Variants in P3H2 observed in about 807,000 individuals in gnomAD.
P3H2 encodes the protein leprecan-like 1.
A neutral mutation model predicts 87.0 loss-of-function variants in P3H2; 80 were observed. The ratio of observed to expected loss-of-function variants is 0.92; its 90% CI spans 0.77 to 1.11. The LOEUF is 1.11. P3H2 is among the 50% of genes least tolerant of loss of function. The pLI is 0.00. For synonymous variants in P3H2, 367 were observed against 359.3 expected (o/e 1.02, Z -0.24); for missense variants, 1,001 against 923.9 (o/e 1.08, Z -1.08).
intron 1 of P3H2, among the ~76,000 whole-genome samples, chr3:190,054,350 C>T (rs1363241033): frequency 1.3e-5 from 2 of 152,200 alleles, no homozygotes. Context: ...AAGCCATCAG[C>T]CACGACACAG....
intron 1 of P3H2, among the ~76,000 whole-genome samples, chr3:190,015,669 G>T (rs1724729046): frequency 6.7e-6 from 1 of 150,082 alleles, no homozygotes; most frequent in African/African-American, 2.4e-5. Flanking sequence ...ATATTGGTAG[G>T]ATATGATTTA....
In P3H2 at chr3:189,967,195, G is replaced by A. The variant is rs142318504; in HGVS notation, c.1894-3097C>T. ...ATGCCACTGTATGCATTAATATGAA[G>A]TATTTGAGGAAATAAATGTTCTCAA... On this transcript the variant is annotated intron_variant, in intron 13 of 14. Coordinates refer to ENST00000319332, the MANE Select transcript of P3H2 (RefSeq NM_018192.4). Among the ~76,000 whole-genome samples the A allele has an allele frequency of 6.3e-3, 958 of 152,038 alleles. 13 individuals carry two copies. Among genetic ancestry groups the A allele is most frequent in the African/African-American group, 0.02 (839 of 41,460 alleles).
chr3:189,994,661 TTTG>T (rs1723990910), intron 2 of P3H2, among the ~76,000 whole-genome samples: 1 of 66,476 alleles, frequency 1.5e-5, no homozygotes, highest in East Asian at 1.3e-3. Flanking sequence ...GCCTGTGTTT[TTTG>T]TTTTTTTTTT....
chr3:190,079,789 C>A (rs981583768), intron 1 of P3H2, among the ~76,000 whole-genome samples: 2 of 152,176 alleles, frequency 1.3e-5, no homozygotes, highest in Non-Finnish European at 2.9e-5. Flanking sequence ...TACCTCAAAG[C>A]AGATAGAACT....
intron 1 of P3H2, among the ~76,000 whole-genome samples, chr3:190,082,420 G>A (rs1341326054): frequency 1.3e-5 from 2 of 152,058 alleles, no homozygotes; most frequent in Non-Finnish European, 2.9e-5. Flanking sequence ...CCCACCCAAA[G>A]ATTCTTGTTT....
chr3:189,981,037 G>GT (rs1211039960), intron 8 of P3H2, among the ~76,000 whole-genome samples: 1 of 152,200 alleles, frequency 6.6e-6, no homozygotes, highest in Non-Finnish European at 1.5e-5. Context: ...TGGGAGGGTG[G>GT]TTTGCCCATG....
chr3:190,007,374 T>C (rs1033567268), intron 1 of P3H2, among the ~76,000 whole-genome samples: 1 of 152,208 alleles, frequency 6.6e-6, no homozygotes, highest in Non-Finnish European at 1.5e-5. Flanking sequence ...AATAGTATTT[T>C]TTAGGTGGCT....
In P3H2 at chr3:190,013,593, T is replaced by C. The variant is rs367607283; in HGVS notation, c.481-18151A>G. ...GGTGAGACATGTAAGAAGAGAAAAA[T>C]AGACAAATAAAAATCTGTAAATTCC... On this transcript the variant is annotated intron_variant, in intron 1 of 14. Transcript: ENST00000319332. 1.9e-4 allele frequency among the ~76,000 whole-genome samples: 29 copies of C among 152,290 alleles called. No individual in the cohort carries two copies. The South Asian group carries it at 5.2e-3, about 27-fold the overall frequency.
chr3:189,986,077 T>C (rs1468961636), intron 6 of P3H2, among the ~76,000 whole-genome samples: 1 of 152,206 alleles, frequency 6.6e-6, no homozygotes, highest in Non-Finnish European at 1.5e-5. Context: ...TGTGATAGCA[T>C]TGTGACTGAT....
chr3:190,084,676 T>C (rs1727153631), intron 1 of P3H2, among the ~76,000 whole-genome samples: 1 of 152,196 alleles, frequency 6.6e-6, no homozygotes, highest in African/African-American at 2.4e-5. Flanking sequence ...AAACCAACTC[T>C]GCGAAATGCC....
intron 13 of P3H2, among the ~76,000 whole-genome samples, chr3:189,968,343 T>C (rs1378167392): frequency 6.6e-6 from 1 of 152,070 alleles, no homozygotes; most frequent in East Asian, 1.9e-4. Flanking sequence ...GAACATGTGG[T>C]GTTTGGTTTT....
intron 1 of P3H2, among the ~76,000 whole-genome samples, chr3:190,064,810 A>G (rs938220548): frequency 6.6e-6 from 1 of 152,186 alleles, no homozygotes; most frequent in Non-Finnish European, 1.5e-5. Context: ...TGGCAGCAGG[A>G]AGTAACAGGA....
At chr3:190,080,853 A>G (rs1727021231) in intron 1 of P3H2, among the ~76,000 whole-genome samples, 1 of 152,228 alleles carries the variant, frequency 6.6e-6, no homozygotes, top group Non-Finnish European at 1.5e-5. Context: ...TGACTTTCCC[A>G]TCTCTTGAAT....
intron 1 of P3H2, among the ~76,000 whole-genome samples, chr3:190,056,224 C>T (rs1233594082): frequency 6.6e-6 from 1 of 152,186 alleles, no homozygotes; most frequent in Non-Finnish European, 1.5e-5. Flanking sequence ...GGACTTTTAA[C>T]TTCTAGAACT....
At position 189,988,981 on chromosome 3, in the gene P3H2, C is replaced by T. The variant is rs377087463; in HGVS notation, c.881G>A (p.Arg294His). 1.3e-4 allele frequency: 205 copies of T among 1,613,844 alleles called. No individual in the cohort carries two copies. Among genetic ancestry groups the T allele is most frequent in the Non-Finnish European group, 1.7e-4 (200 of 1,179,974 alleles). ...CTCGATGGGAGAGAGGCGGCCAGGG[C>T]GGGTGGCAAGTTCCCTCACACATTC... Reference protein sequence around the residue: ...QHECVRELATRPGRLSPIENF... With the variant: ...QHECVRELATHPGRLSPIENF... The change falls in exon 4 of 15, where the codon CGC becomes CAC. Residue 294 changes from arginine (R) to histidine (H), a missense_variant. By Grantham distance (29) the Arg-to-His change is conservative. Coordinates refer to ENST00000319332, the MANE Select transcript of P3H2 (RefSeq NM_018192.4).
intron 1 of P3H2, among the ~76,000 whole-genome samples, chr3:190,081,815 G>C (rs901735715): frequency 3.3e-5 from 5 of 152,172 alleles, no homozygotes; most frequent in African/African-American, 1.2e-4. Flanking sequence ...CAATCATAGG[G>C]CTGGGGCTGT....
At chr3:190,056,230 G>A (rs372151116) in intron 1 of P3H2, among the ~76,000 whole-genome samples, 1 of 152,128 alleles carries the variant, frequency 6.6e-6, no homozygotes, top group Non-Finnish European at 1.5e-5. Context: ...TTAACTTCTA[G>A]AACTGTGAAA....
intron 1 of P3H2, among the ~76,000 whole-genome samples, chr3:189,996,379 G>A (rs1033885905): frequency 2.6e-5 from 4 of 152,204 alleles, no homozygotes; most frequent in Middle Eastern, 3.2e-3. Flanking sequence ...AATACCACAT[G>A]ATCTCATTCT....
rs1286059034 is a variant in P3H2 at position 190,097,897 on chromosome 3, GCTCT to G, written c.480+22351_480+22354del. Among the ~76,000 whole-genome samples, 4 of 152,094 alleles carry G rather than the reference GCTCT, an allele frequency of 2.6e-5. No individual in the cohort carries two copies. The East Asian group carries it at 7.7e-4, about 29-fold the overall frequency. ...AGGCCCCCCAAAAAACCCTACATAT[GCTCT>G]CTGTGTCTGCACTATCCATGTCTAA... On this transcript the variant is annotated intron_variant, in intron 1 of 14. Transcript: ENST00000319332.
Sources: gnomAD v4.1 joint callset for allele counts (sites outside exome capture counted in the v4.1 genomes callset) on GRCh38, gnomAD v4.1.1 for gene constraint, MANE v1.5 for transcripts, NCBI Gene and HGNC (gene_info 2026-07-23, HGNC 2026-07-21) for gene names.